The following CDK14 variants were observed in gnomAD, a reference collection of about 807,000 sequenced individuals.
CDK14 encodes the protein cyclin-dependent kinase 14.
CDK14 carries 34 observed loss-of-function variants against 60.7 expected under a neutral mutation model. That is an observed-to-expected ratio of 0.56 (90% CI 0.43 to 0.75). The LOEUF (loss-of-function observed/expected upper bound fraction) is 0.75. Ranked by LOEUF, CDK14 falls within the 30% of genes least tolerant of loss-of-function variation. The probability of loss-of-function intolerance (pLI) is 0.00; values close to 1 mark genes in which losing one functional copy is unlikely to be tolerated. For synonymous variants in CDK14, 197 were observed against 203.7 expected (o/e 0.97, Z 0.28); for missense variants, 482 against 564.1 (o/e 0.85, Z 1.47).
intron 14 of CDK14, among the ~76,000 whole-genome samples, chr7:91,131,869 C>T (rs547828734): frequency 2.6e-5 from 4 of 152,186 alleles, no homozygotes; most frequent in Non-Finnish European, 5.9e-5. Flanking sequence ...CTCATTTTAC[C>T]ATTATATTTC....
At chr7:90,704,546 T>G (rs1801855540) in intron 2 of CDK14, among the ~76,000 whole-genome samples, 1 of 152,190 alleles carries the variant, frequency 6.6e-6, no homozygotes, top group African/African-American at 2.4e-5. Flanking sequence ...ACATAAGTCC[T>G]TTGGTTTTTA....
At chr7:90,988,441 A>G (rs1795437113) in intron 10 of CDK14, among the ~76,000 whole-genome samples, 1 of 152,146 alleles carries the variant, frequency 6.6e-6, no homozygotes, top group African/African-American at 2.4e-5. Flanking sequence ...TGGAAAGAGT[A>G]TTTATTTTCA....
Position 91,195,631 on chromosome 7 carries a change from T to C in CDK14, c.*29-11534T>C, listed in dbSNP as rs548039552. 7.2e-5 allele frequency among the ~76,000 whole-genome samples: 11 copies of C among 152,352 alleles called. No homozygotes were observed. The South Asian group carries it at 2.3e-3, about 32-fold the overall frequency. ...ACTAAATGTTACAAACCTGGTATTT[T>C]GTGAGCAGTTGCAGCAGTCATTTGA... On this transcript the variant is annotated intron_variant, in intron 14 of 14. Coordinates refer to ENST00000380050, the MANE Select transcript of CDK14 (RefSeq NM_001287135.2).
At chr7:90,917,902 T>C (rs1017701043) in intron 8 of CDK14, among the ~76,000 whole-genome samples, 178 bp downstream of exon 8, 1 of 152,096 alleles carries the variant, frequency 6.6e-6, no homozygotes, top group Admixed American at 6.6e-5. Flanking sequence ...TAATGCTTTG[T>C]GGAGTTTTAT....
chr7:90,704,177 C>G (rs1165593602), intron 2 of CDK14, among the ~76,000 whole-genome samples: 2 of 152,160 alleles, frequency 1.3e-5, no homozygotes, highest in Non-Finnish European at 2.9e-5. Context: ...CTGCATCTAC[C>G]AGTTTCTGTT....
At chr7:90,934,975 C>T (rs1205448562) in intron 8 of CDK14, among the ~76,000 whole-genome samples, 2 of 152,196 alleles carry the variant, frequency 1.3e-5, no homozygotes, top group Non-Finnish European at 2.9e-5. Flanking sequence ...CAGGATAGTA[C>T]AGACTAGGTA....
chr7:90,782,325 A>G (rs530406339), intron 4 of CDK14, among the ~76,000 whole-genome samples: 48 of 152,222 alleles, frequency 3.2e-4, no homozygotes, highest in Admixed American at 9.2e-4. Context: ...GGCTGAGACA[A>G]TGGGGTTTTC....
At chr7:90,846,202 A>T (rs1790465609) in intron 5 of CDK14, among the ~76,000 whole-genome samples, 1 of 152,120 alleles carries the variant, frequency 6.6e-6, no homozygotes, top group African/African-American at 2.4e-5. Flanking sequence ...TCTCATTATA[A>T]CATATCCATA....
At chr7:90,978,789 C>T (rs1266619906) in intron 9 of CDK14, among the ~76,000 whole-genome samples, 2 of 152,206 alleles carry the variant, frequency 1.3e-5, no homozygotes, top group East Asian at 3.9e-4. Context: ...TGACAAAATG[C>T]AGGAAACTTC....
Position 90,905,545 on chromosome 7 carries a change from T to G in CDK14, c.702+6192T>G, listed in dbSNP as rs112329123. Among the ~76,000 whole-genome samples the G allele has an allele frequency of 5.5e-3, 837 of 152,206 alleles. 8 individuals carry two copies. Among genetic ancestry groups the G allele is most frequent in the African/African-American group, 0.019 (789 of 41,534 alleles). On this transcript the variant is annotated intron_variant, in intron 7 of 14. Transcript: ENST00000380050. ...AAAACAAAACAAAACAAAAAATACC[T>G]CTTTATGTGATAATGCTGTAGCCAA...
rs556438154 is a variant in CDK14 at position 90,984,019 on chromosome 7, T to G, written c.948-129T>G. On this transcript the variant is annotated intron_variant, in intron 9 of 14. Coordinates refer to ENST00000380050, the MANE Select transcript of CDK14 (RefSeq NM_001287135.2). ...TGTACCCCTGAATCTAAAATAAAAG[T>G]TAGAGGGGAAAAAGGAAACAGTTTA... 1.1e-4 allele frequency: 70 copies of G among 664,270 alleles called. No homozygotes were observed. In the East Asian group the frequency reaches 1.5e-3, roughly 15 times the overall value. 41.1% of individuals were successfully genotyped at this position (664,270 alleles called of 1,614,324 possible). A position where few individuals can be genotyped will look rare whatever the true frequency, so the allele number is the denominator to read the frequency against.
At chr7:91,203,653 G>A (rs2116010750) in intron 14 of CDK14, among the ~76,000 whole-genome samples, 1 of 152,310 alleles carries the variant, frequency 6.6e-6, no homozygotes, top group Admixed American at 6.5e-5. Flanking sequence ...CAGACCTAAA[G>A]CTCCCATTTA....
At chr7:90,693,051 C>T (rs1382034781) in intron 2 of CDK14, among the ~76,000 whole-genome samples, 3 of 152,036 alleles carry the variant, frequency 2.0e-5, no homozygotes, top group Non-Finnish European at 2.9e-5. Context: ...TGAAAGAATC[C>T]GTCTTTTAGC....
chr7:90,878,093 T>A (rs150121387), intron 6 of CDK14, among the ~76,000 whole-genome samples: 4,488 of 149,722 alleles, frequency 0.03, 195 homozygotes, highest in East Asian at 0.18. Flanking sequence ...TGTGTGTGTG[T>A]GAGAGAGAGA....
intron 14 of CDK14, among the ~76,000 whole-genome samples, chr7:91,200,495 C>T (rs1011986189): frequency 3.3e-5 from 5 of 152,072 alleles, no homozygotes; most frequent in Admixed American, 1.3e-4. Flanking sequence ...TTTCTTTTTC[C>T]GGGACATTGT....
At chr7:90,614,358 C>T (rs1799608222) in intron 2 of CDK14, among the ~76,000 whole-genome samples, 1 of 152,140 alleles carries the variant, frequency 6.6e-6, no homozygotes, top group Admixed American at 6.5e-5. Flanking sequence ...TTATAAAAGG[C>T]ATAATTACAA....
chr7:90,789,754 T>C (rs1040771065), intron 4 of CDK14, among the ~76,000 whole-genome samples: 7 of 152,062 alleles, frequency 4.6e-5, no homozygotes, highest in African/African-American at 1.7e-4. Context: ...CCTATTTTAA[T>C]TAACAAACAA....
At chr7:91,133,551 A>G (rs963606545) in intron 14 of CDK14, among the ~76,000 whole-genome samples, 3 of 152,194 alleles carry the variant, frequency 2.0e-5, no homozygotes, top group Non-Finnish European at 4.4e-5. Context: ...GAAGTTATTA[A>G]GCCAAGTAAC....
intron 10 of CDK14, among the ~76,000 whole-genome samples, chr7:91,017,451 A>G (rs935849748): frequency 6.6e-6 from 1 of 152,198 alleles, no homozygotes; most frequent in African/African-American, 2.4e-5. Context: ...TTCATATGTG[A>G]TATTTTCCTA....
Sources: allele counts gnomAD v4.1 joint callset (sites outside exome capture counted in the v4.1 genomes callset), GRCh38; gene constraint gnomAD v4.1.1; transcripts MANE v1.5; gene names NCBI Gene and HGNC (gene_info 2026-07-23, HGNC 2026-07-21).